NCOA1: variants seen among roughly 807,000 people sequenced by gnomAD.
NCOA1 encodes the protein nuclear receptor coactivator 1.
NCOA1 carries 35 observed loss-of-function variants against 150.9 expected under a neutral mutation model. That is an observed-to-expected ratio of 0.23 (90% CI 0.18 to 0.31). The LOEUF (loss-of-function observed/expected upper bound fraction) is 0.31, where lower values mean the gene tolerates loss of function less well. Ranked by LOEUF, NCOA1 falls within the 10% of genes least tolerant of loss-of-function variation. The pLI, the probability that NCOA1 is intolerant of heterozygous loss-of-function variation, is 1.00. For synonymous variants in NCOA1, 590 were observed against 630.0 expected (o/e 0.94, Z 0.95); for missense variants, 1,491 against 1,749.3 (o/e 0.85, Z 2.63).
intron 19 of NCOA1, among the ~76,000 whole-genome samples, chr2:24,750,378 G>A (rs1191292321): frequency 6.6e-6 from 1 of 152,168 alleles, no homozygotes; most frequent in Admixed American, 6.5e-5. Flanking sequence ...AGACAATGTG[G>A]TGCTGGTACA....
At chr2:24,516,977 C>CATATACGTAT (rs70947822) in intron 1 of NCOA1, among the ~76,000 whole-genome samples, 2 of 58,968 alleles carry the variant, frequency 3.4e-5, no homozygotes, top group Non-Finnish European at 3.8e-5. Context: ...TATATATACA[C>CATATACGTAT]ATATACGTAT....
At chr2:24,527,026 A>T (rs926326427) in intron 1 of NCOA1, among the ~76,000 whole-genome samples, 1 of 152,210 alleles carries the variant, frequency 6.6e-6, no homozygotes, top group Admixed American at 6.5e-5. Context: ...GAAGTTGAGC[A>T]TTCTCATAAT....
chr2:24,527,685 G>A (rs1019906024), intron 1 of NCOA1, among the ~76,000 whole-genome samples: 2 of 152,166 alleles, frequency 1.3e-5, no homozygotes, highest in African/African-American at 4.8e-5. Context: ...ATAACCAGAA[G>A]CAGAATTGCC....
At chr2:24,524,297 T>A (rs1399990347) in intron 1 of NCOA1, among the ~76,000 whole-genome samples, 4 of 152,204 alleles carry the variant, frequency 2.6e-5, no homozygotes, top group Non-Finnish European at 4.4e-5. Context: ...ACTTACTTTT[T>A]ATTTTACTTT....
intron 8 of NCOA1, among the ~76,000 whole-genome samples, chr2:24,688,803 A>T (rs1463095342): frequency 1.3e-5 from 2 of 152,144 alleles, no homozygotes; most frequent in Admixed American, 1.3e-4. Flanking sequence ...TGGCATCTTC[A>T]TCATGAAATC....
intron 21 of NCOA1, among the ~76,000 whole-genome samples, chr2:24,761,266 G>A (rs2119117): frequency 0.15 from 22,765 of 152,160 alleles, 2,101 homozygotes; most frequent in Non-Finnish European, 0.21. Flanking sequence ...CACATTCACC[G>A]ATTCTCTAGG....
At chr2:24,587,928 G>A (rs56328211) in intron 3 of NCOA1, among the ~76,000 whole-genome samples, 7,852 of 152,262 alleles carry the variant, frequency 0.052, 288 homozygotes, top group East Asian at 0.19. Flanking sequence ...ATAGTTGAAT[G>A]ATAGCCCTTG....
At chr2:24,574,456 ACT>A (rs1470192189) in intron 2 of NCOA1, among the ~76,000 whole-genome samples, 3 of 151,356 alleles carry the variant, frequency 2.0e-5, no homozygotes, top group African/African-American at 2.4e-5. Flanking sequence ...GTGCAGTAAA[ACT>A]CTTTTGGGGG....
At chr2:24,493,469 C>T (rs1663066231) in intron 1 of NCOA1, among the ~76,000 whole-genome samples, 1 of 152,106 alleles carries the variant, frequency 6.6e-6, no homozygotes, top group East Asian at 1.9e-4. Context: ...AGGTGCAAAA[C>T]GTGAATTTTA....
intron 3 of NCOA1, among the ~76,000 whole-genome samples, chr2:24,628,027 C>T (rs1050358119): frequency 3.3e-5 from 5 of 152,122 alleles, no homozygotes; most frequent in East Asian, 1.9e-4. Flanking sequence ...AGGCCGGGCG[C>T]GGTGGCTCAC....
chr2:24,753,772 C>A (rs1664363288), intron 20 of NCOA1, among the ~76,000 whole-genome samples: 1 of 152,134 alleles, frequency 6.6e-6, no homozygotes, highest in Non-Finnish European at 1.5e-5. Flanking sequence ...CCCACTCCCT[C>A]CTTTGGTTGC....
chr2:24,527,701 C>T (rs1664708448), intron 1 of NCOA1, among the ~76,000 whole-genome samples: 1 of 152,166 alleles, frequency 6.6e-6, no homozygotes. Flanking sequence ...TTGCCTGAGT[C>T]ATGTGGTAAT....
At chr2:24,690,417 G>A (rs888180059) in intron 8 of NCOA1, among the ~76,000 whole-genome samples, 1 of 151,934 alleles carries the variant, frequency 6.6e-6, no homozygotes, top group Non-Finnish European at 1.5e-5. Context: ...CATTTTGGGA[G>A]GCCGAGATGG....
intron 1 of NCOA1, among the ~76,000 whole-genome samples, chr2:24,492,964 T>TGAAAAAAA (rs369278473): frequency 2.8e-5 from 1 of 35,878 alleles, no homozygotes; most frequent in Non-Finnish European, 6.3e-5. Flanking sequence ...GAGGCTAGTC[T>TGAAAAAAA]CAAAAAAAAA....
rs186009421 is a variant in NCOA1 at position 24,718,754 on chromosome 2, G to A, written c.2599+7643G>A. 4.5e-3 allele frequency among the ~76,000 whole-genome samples: 681 copies of A among 150,688 alleles called. 10 individuals carry two copies. Among genetic ancestry groups the A allele is most frequent in the Admixed American group, 0.026 (388 of 15,160 alleles). On this transcript the variant is annotated intron_variant, in intron 14 of 22. Coordinates refer to ENST00000348332, the MANE Select transcript of NCOA1 (RefSeq NM_003743.5). ...AAAAAAAAAAACAAATCAGCCGGGC[G>A]GCTACTCAGGAGGCTGAGGCAGGAG...
At position 24,739,947 on chromosome 2, in the gene NCOA1, G is replaced by C. The variant is rs560819580; in HGVS notation, c.3303+414G>C. ...TCAATTTGAACATCAGCATTTTCTAGCTTGTATTTATTTTTTAAATCCCTT... is the reference window on the plus strand; with the variant it reads ...TCAATTTGAACATCAGCATTTTCTACCTTGTATTTATTTTTTAAATCCCTT... On this transcript the variant is annotated intron_variant, in intron 18 of 22. Coordinates refer to ENST00000348332, the MANE Select transcript of NCOA1 (RefSeq NM_003743.5). 2.6e-4 allele frequency among the ~76,000 whole-genome samples: 39 copies of C among 151,814 alleles called. No individual in the cohort carries two copies. The South Asian group carries it at 7.1e-3, about 28-fold the overall frequency.
intron 1 of NCOA1, among the ~76,000 whole-genome samples, chr2:24,501,829 A>C (rs1239629018): frequency 3.9e-5 from 6 of 152,186 alleles, no homozygotes; most frequent in African/African-American, 1.2e-4. Context: ...GAAAGGGTCC[A>C]TGACCTCCCC....
At chr2:24,632,565 A>G (rs1445389201) in intron 3 of NCOA1, among the ~76,000 whole-genome samples, 1 of 152,180 alleles carries the variant, frequency 6.6e-6, no homozygotes, top group African/African-American at 2.4e-5. Flanking sequence ...TGACATTTCC[A>G]ATGCTCAGAA....
At chr2:24,709,575 C>G (rs1287766117) in intron 13 of NCOA1, among the ~76,000 whole-genome samples, 1 of 152,048 alleles carries the variant, frequency 6.6e-6, no homozygotes, top group African/African-American at 2.4e-5. Flanking sequence ...CATATATTTG[C>G]AGACATCTTT....
Sources: allele counts gnomAD v4.1 joint callset (sites outside exome capture counted in the v4.1 genomes callset), GRCh38; gene constraint gnomAD v4.1.1; transcripts MANE v1.5; gene names NCBI Gene and HGNC (gene_info 2026-07-23, HGNC 2026-07-21).